Variants in PAK5 observed in about 807,000 individuals in gnomAD.
PAK5 encodes serine/threonine-protein kinase PAK 5.
A neutral mutation model predicts 65.9 loss-of-function variants in PAK5; 16 were observed. The observed-to-expected ratio is 0.24, with a 90% CI of 0.16 to 0.37. PAK5 has a LOEUF of 0.37. Among genes scored for constraint, PAK5 ranks in the 10% least tolerant of loss-of-function variants. The probability of loss-of-function intolerance (pLI) is 1.00; values close to 1 mark genes in which losing one functional copy is unlikely to be tolerated. For synonymous variants in PAK5, 371 were observed against 354.9 expected (o/e 1.05, Z -0.51); for missense variants, 785 against 903.9 (o/e 0.87, Z 1.69).
chr20:9,779,951 C>T (rs2048924721), intron 1 of PAK5, among the ~76,000 whole-genome samples: 1 of 152,044 alleles, frequency 6.6e-6, no homozygotes, highest in Admixed American at 6.6e-5. Context: ...AATTCTAATA[C>T]ACGTATCCTA....
At chr20:9,801,377 AT>A (rs549442491) in intron 1 of PAK5, among the ~76,000 whole-genome samples, 16 of 151,528 alleles carry the variant, frequency 1.1e-4, no homozygotes, top group Admixed American at 7.2e-4. Flanking sequence ...TGTTTTATAG[AT>A]TTTTTTTCCC....
chr20:9,607,796 T>G (rs2046482190), intron 3 of PAK5, among the ~76,000 whole-genome samples: 1 of 151,326 alleles, frequency 6.6e-6, no homozygotes, highest in Admixed American at 6.6e-5. Context: ...GCCACTGCCC[T>G]CCAGCCTGGG....
intron 3 of PAK5, among the ~76,000 whole-genome samples, chr20:9,611,958 G>T (rs1378355777): frequency 6.6e-6 from 1 of 152,132 alleles, no homozygotes; most frequent in African/African-American, 2.4e-5. Context: ...AATTCTTTGT[G>T]CAGGAACTAC....
intron 2 of PAK5, among the ~76,000 whole-genome samples, chr20:9,702,831 T>C (rs1433315726): frequency 1.3e-5 from 2 of 152,178 alleles, no homozygotes; most frequent in African/African-American, 4.8e-5. Context: ...TAAGCACTGC[T>C]ACTTAGCCTC....
At chr20:9,754,260 A>C (rs1310809821) in intron 1 of PAK5, among the ~76,000 whole-genome samples, 1 of 152,152 alleles carries the variant, frequency 6.6e-6, no homozygotes, top group African/African-American at 2.4e-5. Flanking sequence ...ATAAAGAAAA[A>C]CTTTAATTCA....
chr20:9,610,760 G>T (rs1323326832), intron 3 of PAK5, among the ~76,000 whole-genome samples: 6 of 152,104 alleles, frequency 3.9e-5, no homozygotes, highest in African/African-American at 9.7e-5. Context: ...GCTGTCATTT[G>T]AATGTATGTG....
intron 1 of PAK5, among the ~76,000 whole-genome samples, chr20:9,821,851 T>A (rs2049424501): frequency 6.6e-6 from 1 of 152,212 alleles, no homozygotes; most frequent in Middle Eastern, 3.2e-3. Flanking sequence ...CAAAATCATT[T>A]TGTATTATAT....
At chr20:9,809,321 T>G (rs1191190341) in intron 1 of PAK5, among the ~76,000 whole-genome samples, 3 of 149,060 alleles carry the variant, frequency 2.0e-5, no homozygotes. Flanking sequence ...TACTTTTCTG[T>G]TGAGGCAATC....
At chr20:9,607,279 G>A (rs535018041) in intron 3 of PAK5, among the ~76,000 whole-genome samples, 6 of 152,318 alleles carry the variant, frequency 3.9e-5, no homozygotes, top group African/African-American at 1.2e-4. Flanking sequence ...GAAAGTGTCA[G>A]CCAAAGGAAA....
intron 4 of PAK5, chr20:9,577,551 C>A (rs779395912): frequency 6.6e-6 from 1 of 152,236 alleles, no homozygotes; most frequent in African/African-American, 2.4e-5. Context: ...TCATCTGAGT[C>A]GTGACCGCTA....
intron 3 of PAK5, among the ~76,000 whole-genome samples, chr20:9,597,446 TC>T (rs1468552037): frequency 2.0e-5 from 3 of 152,208 alleles, no homozygotes; most frequent in Non-Finnish European, 4.4e-5. Context: ...TGTGAACAAA[TC>T]CTAGGTTACT....
At chr20:9,755,541 C>G (rs549110605) in intron 1 of PAK5, among the ~76,000 whole-genome samples, 2 of 152,166 alleles carry the variant, frequency 1.3e-5, no homozygotes, top group Non-Finnish European at 2.9e-5. Context: ...GAAGATGACA[C>G]AAACCATGAT....
At chr20:9,705,434 G>T (rs1372479109) in intron 2 of PAK5, among the ~76,000 whole-genome samples, 4 of 152,090 alleles carry the variant, frequency 2.6e-5, no homozygotes, top group Non-Finnish European at 2.9e-5. Context: ...TGAGGAGAAT[G>T]GTGTTCAAAG....
At chr20:9,562,759 G>A (rs969991556) in intron 6 of PAK5, 132 bp downstream of exon 6, 26 of 733,488 alleles carry the variant, frequency 3.5e-5, no homozygotes, top group Non-Finnish European at 5.8e-5. Context: ...TCTGGGGAAT[G>A]TAGGGGAAAG....
Position 9,672,169 on chromosome 20 carries a change from G to A in PAK5, c.-11-27830C>T, listed in dbSNP as rs552520006. Among the ~76,000 whole-genome samples, 19 of 151,502 alleles carry A rather than the reference G, an allele frequency of 1.3e-4. 1 individual carries two copies. The East Asian group carries it at 3.3e-3, about 26-fold the overall frequency. On this transcript the variant is annotated intron_variant, in intron 2 of 9. Coordinates refer to ENST00000353224, the MANE Select transcript of PAK5 (RefSeq NM_177990.4). ...TTTTGAAGGCAGCCTAGGAACTAAC[G>A]CATCAATTTTTAAAATAATTTCCAT...
At chr20:9,586,233 C>T (rs532331843) in intron 3 of PAK5, among the ~76,000 whole-genome samples, 7 of 152,138 alleles carry the variant, frequency 4.6e-5, no homozygotes, top group South Asian at 2.1e-4. Flanking sequence ...AGAAATTCAC[C>T]ACTAGGACAC....
chr20:9,713,927 G>C (rs182629956), intron 1 of PAK5, among the ~76,000 whole-genome samples: 2 of 151,944 alleles, frequency 1.3e-5, no homozygotes, highest in Non-Finnish European at 2.9e-5. Context: ...GAAGGAATAA[G>C]TTCTAATATT....
At chr20:9,611,222 T>C (rs941834520) in intron 3 of PAK5, among the ~76,000 whole-genome samples, 39 of 152,232 alleles carry the variant, frequency 2.6e-4, no homozygotes, top group African/African-American at 9.4e-4. Context: ...TATGCCACTC[T>C]GGAATAGGAA....
intron 2 of PAK5, among the ~76,000 whole-genome samples, chr20:9,660,324 T>G (rs2047327428): frequency 1.3e-5 from 2 of 150,960 alleles, no homozygotes; most frequent in Admixed American, 1.3e-4. Flanking sequence ...TAGATTAAGA[T>G]TATTTTAATT....
Sources: gnomAD v4.1 joint callset for allele counts (sites outside exome capture counted in the v4.1 genomes callset) on GRCh38, gnomAD v4.1.1 for gene constraint, MANE v1.5 for transcripts, NCBI Gene and HGNC (gene_info 2026-07-23, HGNC 2026-07-21) for gene names.